The following PCDHA4 variants were observed in gnomAD, a reference collection of about 807,000 sequenced individuals.
PCDHA4 encodes protocadherin alpha-4.
PCDHA4 carries 49 observed loss-of-function variants against 61.4 expected under a neutral mutation model. The ratio of observed to expected loss-of-function variants is 0.80; its 90% confidence interval spans 0.63 to 1.01. PCDHA4 has a LOEUF of 1.01. PCDHA4 is among the 50% of genes least tolerant of loss of function. PCDHA4 has a pLI of 0.00. For synonymous variants in PCDHA4, 590 were observed against 550.3 expected (o/e 1.07, Z -1.01); for missense variants, 1,254 against 1,235.8 (o/e 1.01, Z -0.22).
intron 1 of PCDHA4, among the ~76,000 whole-genome samples, chr5:140,893,033 A>G (rs1246631946): frequency 1.3e-5 from 2 of 152,230 alleles, no homozygotes; most frequent in African/African-American, 2.4e-5. Flanking sequence ...TTCACTTAAC[A>G]TATGCCCTCC....
chr5:140,845,639 C>T (rs1007088730), intron 1 of PCDHA4, among the ~76,000 whole-genome samples: 1 of 149,600 alleles, frequency 6.7e-6, no homozygotes, highest in East Asian at 1.9e-4. Context: ...AAATCAAGTC[C>T]TCCCTTTACC....
chr5:140,961,326 G>T (rs1450202899), intron 1 of PCDHA4, among the ~76,000 whole-genome samples: 1 of 152,154 alleles, frequency 6.6e-6, no homozygotes, highest in Admixed American at 6.5e-5. Flanking sequence ...TCTGTTTCTT[G>T]AGAGACCAAG....
At chr5:140,899,789 G>A (rs1200461877) in intron 1 of PCDHA4, among the ~76,000 whole-genome samples, 17 of 152,024 alleles carry the variant, frequency 1.1e-4, no homozygotes, top group Admixed American at 9.8e-4. Context: ...GGTATAATTC[G>A]GCTGTGAATC....
chr5:140,999,537 C>G, intron 3 of PCDHA4, among the ~76,000 whole-genome samples: 1 of 152,266 alleles, frequency 6.6e-6, no homozygotes, highest in Non-Finnish European at 1.5e-5. Context: ...CTGGATATGA[C>G]AGCCAATGAA....
At chr5:140,869,022 C>G in intron 1 of PCDHA4, 1 of 1,525,610 alleles carries the variant, frequency 6.6e-7, no homozygotes, top group African/African-American at 1.4e-5. Flanking sequence ...CTTAAGAATT[C>G]AACGAGATTT....
chr5:140,867,560 C>A (rs1352328708), intron 1 of PCDHA4: 1 of 152,070 alleles, frequency 6.6e-6, no homozygotes, highest in African/African-American at 2.4e-5. Context: ...CATATGATAA[C>A]TTTTTCATAT....
rs782266398 is a variant in PCDHA4 at position 140,807,746 on chromosome 5, G to A, written c.559G>A (p.Glu187Lys). 1.2e-6 allele frequency: 2 copies of A among 1,614,154 alleles called. No homozygotes were observed. The highest frequency in any genetic ancestry group is 1.7e-6 in the Non-Finnish European group (2 of 1,180,034). ...YFSLEKPPDD[E>K]LVKGLGLILR... is the part of the protein sequence containing the mutation. Reference sequence around the variant, plus strand: ...TTCTCTGGAAAAACCACCTGATGACGAGCTGGTAAAAGGTCTTGGGCTTAT... The same window carrying A: ...TTCTCTGGAAAAACCACCTGATGACAAGCTGGTAAAAGGTCTTGGGCTTAT... The change falls in exon 1 of 4, where the codon GAG (glutamate) becomes AAG (lysine). Residue 187 changes from glutamate (E) to lysine (K), a missense_variant. Coordinates refer to ENST00000530339, the MANE Select transcript of PCDHA4 (RefSeq NM_018907.4).
In PCDHA4 at chr5:140,927,196, G is replaced by A. The variant is rs781932405; in HGVS notation, c.2386-51753G>A. On this transcript the variant is annotated intron_variant, in intron 1 of 3. Coordinates refer to ENST00000530339, the MANE Select transcript of PCDHA4 (RefSeq NM_018907.4). ...CGTCTTGACCTACGACCTGGTGCTC[G>A]AGGACCCGCTGGAGCTGCACAAGAT... The A allele has an allele frequency of 5.6e-6, 9 of 1,614,028 alleles. No homozygotes were observed. In the South Asian group the frequency reaches 7.7e-5, roughly 14 times the overall value.
At chr5:140,828,851 A>T in intron 1 of PCDHA4, 1 of 1,614,240 alleles carries the variant, frequency 6.2e-7, no homozygotes, top group South Asian at 1.1e-5. Context: ...AATATTCGAA[A>T]ATGCAGACAA....
intron 1 of PCDHA4, chr5:140,929,486 T>G (rs1258020318): frequency 8.8e-7 from 1 of 1,141,828 alleles, no homozygotes; most frequent in Non-Finnish European, 1.2e-6. Flanking sequence ...TATAGAAGTA[T>G]TAGAAGATTG....
intron 1 of PCDHA4, among the ~76,000 whole-genome samples, chr5:140,956,166 C>T (rs180917985): frequency 7.2e-5 from 11 of 152,232 alleles, no homozygotes; most frequent in Non-Finnish European, 1.5e-4. Flanking sequence ...TTGCCATAGC[C>T]AGAACTTCCA....
rs1554124450 is a variant in PCDHA4 at position 140,808,203 on chromosome 5, A to C, written c.1016A>C (p.Glu339Ala). The C allele has an allele frequency of 6.2e-7, 1 of 1,614,250 alleles. No individual in the cohort carries two copies. The highest frequency in any genetic ancestry group is 1.7e-5 in the Admixed American group (1 of 60,034). ...PLSGHCRVIVEVEDNNDNVPD... is the reference protein window; with the variant it reads ...PLSGHCRVIVAVEDNNDNVPD... ...TCTGGCCATTGTAGAGTTATTGTGGAAGTAGAAGACAACAACGATAATGTC... is the reference window on the plus strand; with the variant it reads ...TCTGGCCATTGTAGAGTTATTGTGGCAGTAGAAGACAACAACGATAATGTC... The change falls in exon 1 of 4, where the codon GAA becomes GCA. Residue 339 changes from glutamate (E) to alanine (A), a missense_variant. Transcript: ENST00000530339.
intron 1 of PCDHA4, chr5:140,816,735 T>G (rs1765977458): frequency 6.6e-6 from 1 of 152,192 alleles, no homozygotes; most frequent in Admixed American, 6.5e-5. Flanking sequence ...AAACCTTTTC[T>G]GTGGATGCAT....
At chr5:140,949,360 T>G (rs1178484553) in intron 1 of PCDHA4, among the ~76,000 whole-genome samples, 1 of 151,868 alleles carries the variant, frequency 6.6e-6, no homozygotes, top group South Asian at 2.1e-4. Context: ...TTTATTTTTT[T>G]GTCTAGTTGT....
intron 1 of PCDHA4, chr5:140,816,109 G>C (rs1554126971): frequency 1.3e-5 from 2 of 152,000 alleles, no homozygotes; most frequent in South Asian, 2.1e-4. Flanking sequence ...TTCTCTTATG[G>C]CTTCTTCTTT....
chr5:140,980,102 C>A (rs782586995), intron 2 of PCDHA4, among the ~76,000 whole-genome samples: 1 of 152,192 alleles, frequency 6.6e-6, no homozygotes, highest in Non-Finnish European at 1.5e-5. Flanking sequence ...GGTAAGATGT[C>A]ACATTGGAAC....
intron 3 of PCDHA4, among the ~76,000 whole-genome samples, chr5:140,996,702 T>A (rs2097740306): frequency 6.6e-6 from 1 of 152,174 alleles, no homozygotes; most frequent in African/African-American, 2.4e-5. Context: ...TGAACCTCTA[T>A]CTCTTTGATT....
At chr5:140,829,177 C>T in intron 1 of PCDHA4, 2 of 1,614,106 alleles carry the variant, frequency 1.2e-6, no homozygotes, top group South Asian at 1.1e-5. Flanking sequence ...TACGTGAAGA[C>T]GCTCAATTTG....
chr5:140,884,386 G>T (rs372595984), intron 1 of PCDHA4: 2 of 1,613,986 alleles, frequency 1.2e-6, no homozygotes, highest in African/African-American at 2.7e-5. Flanking sequence ...CCATCTGCGC[G>T]GTGTCCAGCC....
Sources: allele counts gnomAD v4.1 joint callset (sites outside exome capture counted in the v4.1 genomes callset), GRCh38; gene constraint gnomAD v4.1.1; transcripts MANE v1.5; gene names NCBI Gene and HGNC (gene_info 2026-07-23, HGNC 2026-07-21).